Variants in SLC47A2 observed in about 807,000 individuals in gnomAD.
The protein encoded by SLC47A2 is multidrug and toxin extrusion protein 2.
SLC47A2 carries 52 observed loss-of-function variants against 67.7 expected under a neutral mutation model. The ratio of observed to expected loss-of-function variants is 0.77; its 90% CI spans 0.61 to 0.97. SLC47A2 has a LOEUF of 0.97. SLC47A2 is among the 50% of genes least tolerant of loss of function. The pLI, the probability that SLC47A2 is intolerant of heterozygous loss-of-function variation, is 0.00. For synonymous variants in SLC47A2, 278 were observed against 292.9 expected (o/e 0.95, Z 0.52); for missense variants, 676 against 712.3 (o/e 0.95, Z 0.58).
chr17:19,693,822 T>C (rs1023329904), intron 13 of SLC47A2, among the ~76,000 whole-genome samples: 16 of 151,996 alleles, frequency 1.1e-4, no homozygotes, highest in African/African-American at 3.9e-4. Context: ...CAACATTGTA[T>C]TGGAGGTTCT....
At chr17:19,705,067 C>T (rs565902296) in intron 10 of SLC47A2, 14 of 325,998 alleles carry the variant, frequency 4.3e-5, no homozygotes, top group Middle Eastern at 1.8e-3. Context: ...CTTTGTGATC[C>T]GCCCTCAGCC....
chr17:19,705,520 C>T lies in SLC47A2; in HGVS notation c.842-17G>A. The T allele has an allele frequency of 5.0e-6, 8 of 1,605,834 alleles. No individual in the cohort carries two copies. The highest frequency in any genetic ancestry group is 6.8e-6 in the Non-Finnish European group (8 of 1,177,586). On this transcript the variant is annotated splice_polypyrimidine_tract_variant and intron_variant, in intron 9 of 16. Transcript: ENST00000433844. The stretch of plus-strand genomic sequence containing the variant: ...TGAGCAGCCCTAGAGAAGAGGCCCG[C>T]CGTGAGTCCGGCCCGCAGCCCCAGA...
rs146879889 is a variant in SLC47A2, at chr17:19,704,086, C to T, written c.1002G>A (p.Ser334=). The change falls in exon 11 of 17, where the codon TCG becomes TCA. Residue 334 remains serine (S), a synonymous_variant. Coordinates refer to ENST00000433844, the MANE Select transcript of SLC47A2 (RefSeq NM_001099646.3). ...DTVQAKRSAV[S]GVLSIVGISL... Reference sequence around the variant, plus strand: ...TCCACCTACCTATGCTGAGCACGCCCGAGACGGCCGAGCGCTTGGCCTGCA... The same window carrying T: ...TCCACCTACCTATGCTGAGCACGCCTGAGACGGCCGAGCGCTTGGCCTGCA... 78 of 1,609,604 alleles carry T rather than the reference C, an allele frequency of 4.8e-5. No individual in the cohort carries two copies. The African/African-American group carries it at 7.2e-4, about 15-fold the overall frequency.
chr17:19,716,184 G>A, intron 1 of SLC47A2: 1 of 505,710 alleles, frequency 2.0e-6, no homozygotes, highest in Non-Finnish European at 3.4e-6. Context: ...TTCCAGCTGA[G>A]GCACACCCAC....
rs1250918964 is a variant in SLC47A2 at position 19,704,123 on chromosome 17, G to A, written c.965C>T (p.Ala322Val). 1 of 1,612,328 alleles carries A rather than the reference G, an allele frequency of 6.2e-7. No individual in the cohort carries two copies. The highest frequency in any genetic ancestry group is 8.5e-7 in the Non-Finnish European group (1 of 1,179,756). The change falls in exon 11 of 17, where the codon GCT becomes GTT. Residue 322 changes from alanine to valine, a missense_variant. Coordinates refer to ENST00000433844, the MANE Select transcript of SLC47A2 (RefSeq NM_001099646.3). Reference protein sequence around the residue: ...VCVRVGMALGAADTVQAKRSA... With the variant: ...VCVRVGMALGVADTVQAKRSA... ...GCGCTTGGCCTGCACAGTATCCGCAGCCCCCAGAGCCATCCCCACTCGGAC... is the reference window on the plus strand; with the variant it reads ...GCGCTTGGCCTGCACAGTATCCGCAACCCCCAGAGCCATCCCCACTCGGAC...
chr17:19,680,012 G>A lies in SLC47A2; in HGVS notation c.1420C>T (p.Gln474Ter), dbSNP rs769423186. The A allele has an allele frequency of 2.9e-5, 46 of 1,613,924 alleles. No individual in the cohort carries two copies. Among genetic ancestry groups the A allele is most frequent in the African/African-American group, 4.0e-5 (3 of 74,914 alleles). ...EAKKHSGRQQ[Q>*]QRAESTATRP... ...GTTGCAGTGCTCTCTGCTCTCTGCTGCTGCTGCCGGCCTGAATGTTTCTTA... is the reference window on the plus strand; with the variant it reads ...GTTGCAGTGCTCTCTGCTCTCTGCTACTGCTGCCGGCCTGAATGTTTCTTA... Residue 474 changes from glutamine to a stop codon, truncating the protein, a stop_gained, in exon 16 of 17, where the codon CAG becomes TAG. Transcript: ENST00000433844. LOFTEE classifies it high-confidence loss of function.
chr17:19,711,956 A>G (rs540524395), intron 5 of SLC47A2, among the ~76,000 whole-genome samples: 9 of 152,290 alleles, frequency 5.9e-5, no homozygotes, highest in African/African-American at 2.2e-4. Context: ...AATATTGTGG[A>G]AGGTTATTTA....
In SLC47A2 at chr17:19,708,209, A is replaced by G. The variant is rs966889614; in HGVS notation, c.629+93T>C. 11 of 1,428,118 alleles carry G rather than the reference A, an allele frequency of 7.7e-6. No individual in the cohort carries two copies. The African/African-American group carries it at 1.1e-4, about 15-fold the overall frequency. The allele number at this position is 1,428,118 out of a possible 1,614,324, so 88.5% of individuals were successfully genotyped here. On this transcript the variant is annotated intron_variant, in intron 7 of 16. Coordinates refer to ENST00000433844, the MANE Select transcript of SLC47A2 (RefSeq NM_001099646.3). Reference sequence around the variant, plus strand: ...CCCTCCACTTCAGGACGGCACAGGCAGGGCCAGGATGGTGACTGATCTGTC... The same window carrying G: ...CCCTCCACTTCAGGACGGCACAGGCGGGGCCAGGATGGTGACTGATCTGTC...
intron 13 of SLC47A2, among the ~76,000 whole-genome samples, chr17:19,695,898 A>C (rs1213639027): frequency 6.6e-6 from 1 of 151,394 alleles, no homozygotes; most frequent in East Asian, 2.0e-4. Context: ...TAATTTTTGT[A>C]TTATTAGTAG....
chr17:19,706,150 C>T (rs1222035187), intron 9 of SLC47A2, among the ~76,000 whole-genome samples: 1 of 152,142 alleles, frequency 6.6e-6, no homozygotes, highest in Non-Finnish European at 1.5e-5. Context: ...GTTCTTGGGG[C>T]CCCGTTTTCT....
rs34169093 is a variant in SLC47A2, at chr17:19,704,119, C to G, written c.969G>C (p.Ala323=). ...CCGAGCGCTTGGCCTGCACAGTATC[C>G]GCAGCCCCCAGAGCCATCCCCACTC... The part of the protein sequence containing the change: ...CVRVGMALGA[A]DTVQAKRSAV... The change falls in exon 11 of 17, where the codon GCG becomes GCC. Residue 323 remains alanine, a synonymous_variant. Transcript: ENST00000433844. 1 of 1,612,286 alleles carries G rather than the reference C, an allele frequency of 6.2e-7. No homozygotes were observed. The highest frequency in any genetic ancestry group is 1.1e-5 in the South Asian group (1 of 90,992).
chr17:19,680,717 A>G (rs2085293740), intron 15 of SLC47A2, among the ~76,000 whole-genome samples: 1 of 152,094 alleles, frequency 6.6e-6, no homozygotes, highest in Non-Finnish European at 1.5e-5. Context: ...GGGTGATTTT[A>G]TGACCCCTTC....
In SLC47A2 at chr17:19,705,596, G is replaced by T. The variant is rs1421436747; in HGVS notation, c.842-93C>A. The T allele has an allele frequency of 4.1e-6, 5 of 1,234,560 alleles. No homozygotes were observed. In the Admixed American group the frequency reaches 1.2e-4, roughly 31 times the overall value. 76.5% of individuals were successfully genotyped at this position (1,234,560 alleles called of 1,614,324 possible). On this transcript the variant is annotated intron_variant, in intron 9 of 16. Transcript: ENST00000433844. The stretch of plus-strand genomic sequence containing the variant: ...GCTGCTTTGCTTTGGGGACTCAGGG[G>T]CTTTTTTTTTTTTTCTTCCTTGAGA...
intron 7 of SLC47A2, 94 bp from the exon 8 acceptor site, chr17:19,707,937 G>A: frequency 2.5e-6 from 3 of 1,188,784 alleles, no homozygotes; most frequent in Non-Finnish European, 3.6e-6. Flanking sequence ...CAGCCCGTGT[G>A]GGGCAGGCAT....
In SLC47A2 at chr17:19,704,162, C is replaced by A; in HGVS notation, c.926G>T (p.Ser309Ile). The A allele has an allele frequency of 2.5e-6, 4 of 1,609,912 alleles. No homozygotes were observed. The highest frequency in any genetic ancestry group is 3.4e-6 in the Non-Finnish European group (4 of 1,178,636). Residue 309 changes from serine (S) to isoleucine (I), a missense_variant, in exon 11 of 17, where the codon AGC becomes ATC. Ser to Ile is a moderately radical substitution (Grantham distance 142). Coordinates refer to ENST00000433844, the MANE Select transcript of SLC47A2 (RefSeq NM_001099646.3). ...TVTYMIPLGLSIGVCVRVGMA... is the reference protein window; with the variant it reads ...TVTYMIPLGLIIGVCVRVGMA... Reference sequence around the variant, plus strand: ...CCCCACTCGGACACAGACCCCGATGCTGAGCCCCAAGGGAATCTGGGATCA... The same window carrying A: ...CCCCACTCGGACACAGACCCCGATGATGAGCCCCAAGGGAATCTGGGATCA...
Position 19,715,224 on chromosome 17 carries a change from G to T in SLC47A2, c.124-7C>A. The T allele has an allele frequency of 1.2e-6, 2 of 1,607,360 alleles. No individual in the cohort carries two copies. The highest frequency in any genetic ancestry group is 1.7e-6 in the Non-Finnish European group (2 of 1,179,680). ...TCAGCACCTGGAACAGGAACTGGAG[G>T]ACAGCGGCCAGGTCAGACTCGGGGC... On this transcript the variant is annotated splice_polypyrimidine_tract_variant and splice_region_variant and intron_variant, in intron 1 of 16. Transcript: ENST00000433844.
intron 8 of SLC47A2, among the ~76,000 whole-genome samples, chr17:19,707,272 G>A (rs2085966869): frequency 6.6e-6 from 1 of 152,048 alleles, no homozygotes; most frequent in South Asian, 2.1e-4. Context: ...CCTTGTATGG[G>A]ATTGGCTCTC....
rs1322741730 is a variant in SLC47A2, at chr17:19,699,255, A to C, written c.1164+3350T>G. 2.6e-5 allele frequency among the ~76,000 whole-genome samples: 4 copies of C among 152,224 alleles called. No individual in the cohort carries two copies. The East Asian group carries it at 5.8e-4, about 22-fold the overall frequency. On this transcript the variant is annotated intron_variant, in intron 13 of 16. Transcript: ENST00000433844. ...CATCCACATACAAAATAATGAATTTAGATATCCTGTTTTACAAAAGTTAAA... is the reference window on the plus strand; with the variant it reads ...CATCCACATACAAAATAATGAATTTCGATATCCTGTTTTACAAAAGTTAAA...
intron 3 of SLC47A2, chr17:19,714,395 A>T (rs914184922): frequency 2.1e-6 from 1 of 474,102 alleles, no homozygotes; most frequent in Non-Finnish European, 3.8e-6. Context: ...CCTTCGACAC[A>T]TGCCTGCATG....
Sources: gnomAD v4.1 joint callset for allele counts (sites outside exome capture counted in the v4.1 genomes callset) on GRCh38, gnomAD v4.1.1 for gene constraint, MANE v1.5 for transcripts, NCBI Gene and HGNC (gene_info 2026-07-23, HGNC 2026-07-21) for gene names.